Variants in EMX1 observed in about 807,000 individuals in gnomAD.
EMX1 encodes empty spiracles homeobox 1, also known as homeobox protein EMX1.
A neutral mutation model predicts 20.1 loss-of-function variants in EMX1; 10 were observed. That is an observed-to-expected ratio of 0.50 (90% CI 0.31 to 0.84). The LOEUF (loss-of-function observed/expected upper bound fraction) is 0.84, where lower values mean the gene tolerates loss of function less well. EMX1 is among the 40% of genes least tolerant of loss of function. The probability of loss-of-function intolerance (pLI) is 0.05; values close to 1 mark genes in which losing one functional copy is unlikely to be tolerated. For synonymous variants in EMX1, 250 were observed against 200.4 expected (o/e 1.25, Z -2.09); for missense variants, 424 against 431.9 (o/e 0.98, Z 0.16).
At chr2:72,925,209 T>C (rs1031491684) in intron 2 of EMX1, among the ~76,000 whole-genome samples, 13 of 152,134 alleles carry the variant, frequency 8.5e-5, no homozygotes, top group Admixed American at 2.6e-4. Context: ...TCTGAATCAC[T>C]GGAAAGGCTG....
At chr2:72,922,580 G>GAGATTATTGACTGACCCCTTCC (rs1205515974) in intron 1 of EMX1, among the ~76,000 whole-genome samples, 2 of 152,194 alleles carry the variant, frequency 1.3e-5, no homozygotes, top group Non-Finnish European at 2.9e-5. Flanking sequence ...AAGGTGACTG[G>GAGATTATTGACTGACCCCTTCC]AGATTATTGA....
chr2:72,927,072 T>C (rs1003718666), intron 2 of EMX1, among the ~76,000 whole-genome samples: 1 of 152,338 alleles, frequency 6.6e-6, no homozygotes, highest in East Asian at 1.9e-4. Flanking sequence ...GTTTTACATC[T>C]AGCCATATAC....
At position 72,934,151 on chromosome 2, in the gene EMX1, T is replaced by G; in HGVS notation, c.*197T>G. 1.2e-5 allele frequency: 9 copies of G among 748,814 alleles called. No homozygotes were observed. The highest frequency in any genetic ancestry group is 3.0e-5 in the East Asian group (1 of 33,108). The allele number at this position is 748,814 out of a possible 1,614,324, so 46.4% of individuals were successfully genotyped here. A position where few individuals can be genotyped will look rare whatever the true frequency, so the allele number is the denominator to read the frequency against. ...GGGCTGGCTGAGGCCTGGGACCACT[T>G]GGCCTTCTCCTCGGAGAGCCTGCCT... On this transcript the variant is annotated 3_prime_UTR_variant, in exon 3 of 3. Coordinates refer to ENST00000258106, the MANE Select transcript of EMX1 (RefSeq NM_004097.3).
At chr2:72,923,059 C>A (rs1046225043) in intron 1 of EMX1, among the ~76,000 whole-genome samples, 1 of 152,146 alleles carries the variant, frequency 6.6e-6, no homozygotes, top group Non-Finnish European at 1.5e-5. Flanking sequence ...CATGTGCAAC[C>A]AAGCCAGAGA....
Position 72,917,882 on chromosome 2 carries a change from G to A in EMX1, c.30G>A (p.Lys10=), listed in dbSNP as rs1398256373. 2.0e-6 allele frequency: 3 copies of A among 1,478,850 alleles called. No homozygotes were observed. Among genetic ancestry groups the A allele is most frequent in the South Asian group, 2.5e-5 (2 of 78,762 alleles). 91.6% of individuals were successfully genotyped at this position (1,478,850 alleles called of 1,614,324 possible). ...GCCTGGCTGGGTGCACACCCCGCAA[G>A]GCGGCGGCGCCAGGACGCGGAGCGC... MCLAGCTPR[K]AAAPGRGALP... is the part of the protein sequence containing the mutation. Residue 10 remains lysine (K), a synonymous_variant, in exon 1 of 3, where the codon AAG becomes AAA. Transcript: ENST00000258106.
At position 72,930,919 on chromosome 2, in the gene EMX1, C is replaced by T. The variant is rs181799768; in HGVS notation, c.706-2868C>T. ...ATATTTCCTTCTAGTCTTTTTTCCC[C>T]GTGTGTAGATTTTGTTTTTCTATGG... On this transcript the variant is annotated intron_variant, in intron 2 of 2. Transcript: ENST00000258106. This position sits in a 1 kb window ranked among gnomAD's most constrained non-coding sequence, Gnocchi z 4.4. Among the ~76,000 whole-genome samples, 166 of 152,258 alleles carry T rather than the reference C, an allele frequency of 1.1e-3. 3 individuals carry two copies. Among genetic ancestry groups the T allele is most frequent in the Admixed American group, 0.011 (161 of 15,298 alleles).
In EMX1 at chr2:72,918,296, C is replaced by T; in HGVS notation, c.444C>T (p.Phe148=). ...ASPLQPPHSF[F]GAQHRDPLHF... Reference sequence around the variant, plus strand: ...CGCTGCAGCCCCCGCACTCCTTCTTCGGCGCCCAGCACCGGGACCCTCTCC... The same window carrying T: ...CGCTGCAGCCCCCGCACTCCTTCTTTGGCGCCCAGCACCGGGACCCTCTCC... Residue 148 remains phenylalanine, a synonymous_variant, in exon 1 of 3, where the codon TTC becomes TTT. Coordinates refer to ENST00000258106, the MANE Select transcript of EMX1 (RefSeq NM_004097.3). The T allele has an allele frequency of 2.5e-6, 4 of 1,574,152 alleles. No individual in the cohort carries two copies. Among genetic ancestry groups the T allele is most frequent in the African/African-American group, 1.4e-5 (1 of 72,194 alleles).
chr2:72,926,719 C>T (rs775986468), intron 2 of EMX1, among the ~76,000 whole-genome samples: 12 of 152,136 alleles, frequency 7.9e-5, no homozygotes, highest in Non-Finnish European at 1.3e-4. Context: ...ATATTAATCC[C>T]CATCCCTAGT....
intron 1 of EMX1, among the ~76,000 whole-genome samples, chr2:72,918,906 C>G (rs1285340041): frequency 6.6e-6 from 1 of 152,214 alleles, no homozygotes; most frequent in Non-Finnish European, 1.5e-5. Flanking sequence ...TGTGGAGGGC[C>G]TGGCTGTCTT....
At position 72,918,316 on chromosome 2, in the gene EMX1, C is replaced by T; in HGVS notation, c.464C>T (p.Pro155Leu). Reference sequence around the variant, plus strand: ...TTCTTCGGCGCCCAGCACCGGGACCCTCTCCATTTCTACCCCTGGGTCCTG... The same window carrying T: ...TTCTTCGGCGCCCAGCACCGGGACCTTCTCCATTTCTACCCCTGGGTCCTG... ...HSFFGAQHRD[P>L]LHFYPWVLRN... Residue 155 changes from proline (P) to leucine (L), a missense_variant, in exon 1 of 3, where the codon CCT becomes CTT. By Grantham distance (98) the Pro-to-Leu change is moderately conservative. Transcript: ENST00000258106. The T allele has an allele frequency of 5.7e-6, 9 of 1,565,562 alleles. No homozygotes were observed. The highest frequency in any genetic ancestry group is 7.7e-6 in the Non-Finnish European group (9 of 1,167,028).
rs557822646 is a variant in EMX1, at chr2:72,920,470, G to T, written c.520+2098G>T. ...TGTTGCTTCGCGGTCCATCGTCGCC[G>T]CTGCAGACGGATGCGCTCCCCGGCG... On this transcript the variant is annotated intron_variant, in intron 1 of 2. Transcript: ENST00000258106. Among the ~76,000 whole-genome samples the T allele has an allele frequency of 1.2e-3, 180 of 152,316 alleles. 7 individuals carry two copies. In the South Asian group the frequency reaches 0.037, roughly 31 times the overall value.
upstream of EMX1, chr2:72,917,508 A>G (rs1013228095): frequency 5.0e-4 from 93 of 184,314 alleles, no homozygotes; most frequent in Non-Finnish European, 8.0e-4. Flanking sequence ...AGCGCGGGGC[A>G]GGTGCCCGCT....
chr2:72,926,424 G>A (rs532280460), intron 2 of EMX1: 19 of 528,114 alleles, frequency 3.6e-5, no homozygotes, highest in African/African-American at 6.2e-5. Context: ...TCTTCTTCCC[G>A]TCTGTAAATG....
In EMX1 at chr2:72,918,083, G is replaced by C; in HGVS notation, c.231G>C (p.Pro77=). The change falls in exon 1 of 3, where the codon CCG becomes CCC. Residue 77 remains proline, a synonymous_variant. Coordinates refer to ENST00000258106, the MANE Select transcript of EMX1 (RefSeq NM_004097.3). ...HLLAAAASEE[P]LRPTALNYPH... ...TGGCGGCGGCCGCCTCCGAGGAACC[G>C]CTCCGGCCCACGGCGCTCAACTACC... is the stretch of plus-strand genomic sequence containing the variant. 1 of 1,432,382 alleles carries C rather than the reference G, an allele frequency of 7.0e-7. No homozygotes were observed. 88.7% of individuals were successfully genotyped at this position (1,432,382 alleles called of 1,614,324 possible).
intron 2 of EMX1, among the ~76,000 whole-genome samples, chr2:72,929,711 C>G (rs1671254222): frequency 6.6e-6 from 1 of 152,210 alleles, no homozygotes; most frequent in Admixed American, 6.5e-5. Flanking sequence ...TTCAGAATAG[C>G]AGATTATTCC....
upstream of EMX1, chr2:72,916,313 A>G: frequency 3.6e-6 from 1 of 280,834 alleles, no homozygotes; most frequent in South Asian, 3.8e-5. Context: ...GGCCCAACCC[A>G]GATCTGCGCG....
chr2:72,917,190 G>T, upstream of EMX1: 2 of 605,654 alleles, frequency 3.3e-6, no homozygotes. Context: ...ACGACATCCC[G>T]GGACGAATGG....
intron 1 of EMX1, among the ~76,000 whole-genome samples, chr2:72,919,314 C>A (rs1671059093): frequency 6.6e-6 from 1 of 150,744 alleles, no homozygotes; most frequent in South Asian, 2.1e-4. Context: ...TTTTTCTTTT[C>A]TTTTTTTTTA....
rs758339504 is a variant in EMX1, at chr2:72,934,157, TCTC to T, written c.*207_*209del. On this transcript the variant is annotated 3_prime_UTR_variant, in exon 3 of 3. Transcript: ENST00000258106. ...GCTGAGGCCTGGGACCACTTGGCCT[TCTC>T]CTCGGAGAGCCTGCCTGCCTGGGCG... The T allele has an allele frequency of 4.2e-5, 30 of 719,176 alleles. No homozygotes were observed. The highest frequency in any genetic ancestry group is 6.0e-5 in the Non-Finnish European group (28 of 466,760). 44.5% of individuals were successfully genotyped at this position (719,176 alleles called of 1,614,324 possible).
Sources: allele counts gnomAD v4.1 joint callset (sites outside exome capture counted in the v4.1 genomes callset), GRCh38; gene constraint gnomAD v4.1.1; non-coding constraint Gnocchi (gnomAD v3.1); transcripts MANE v1.5; gene names NCBI Gene and HGNC (gene_info 2026-07-23, HGNC 2026-07-21).